Variants in TRPV2 observed in about 807,000 individuals in gnomAD.
TRPV2 encodes the protein OTRPC2.
TRPV2 carries 58 observed loss-of-function variants against 91.0 expected under a neutral mutation model. The observed-to-expected ratio is 0.64, with a 90% CI of 0.52 to 0.79. The LOEUF (loss-of-function observed/expected upper bound fraction) is 0.79, where lower values mean the gene tolerates loss of function less well. TRPV2 is among the 30% of genes least tolerant of loss of function. TRPV2 has a pLI of 0.00. For missense variants in TRPV2, 807 were observed against 969.6 expected, an observed-to-expected ratio of 0.83 and a Z score of 2.23; for synonymous variants, 417 against 414.8, an observed-to-expected ratio of 1.01 and a Z score of -0.06.
At chr17:16,427,684 G>A (rs1335936612) in intron 8 of TRPV2, 137 bp downstream of exon 8, 5 of 793,428 alleles carry the variant, frequency 6.3e-6, no homozygotes, top group African/African-American at 5.2e-5. Flanking sequence ...GAAGCTGAGG[G>A]CCAGAGGTTC....
chr17:16,426,964 A>G lies in TRPV2; in HGVS notation c.1251+87A>G. ...GGAAGATGGGGCAGTAATAGTGCTGAGGCATGGGCTGCTGGAGTGACATTC... is the reference window on the plus strand; with the variant it reads ...GGAAGATGGGGCAGTAATAGTGCTGGGGCATGGGCTGCTGGAGTGACATTC... On this transcript the variant is annotated intron_variant, in intron 7 of 14. Transcript: ENST00000338560. The surrounding 1 kb of genome is among the most constrained non-coding windows in gnomAD (Gnocchi z 6.0). 6.9e-7 allele frequency: 1 copy of G among 1,452,684 alleles called. No homozygotes were observed. The highest frequency in any genetic ancestry group is 9.3e-7 in the Non-Finnish European group (1 of 1,071,548). The allele number at this position is 1,452,684 out of a possible 1,614,324, so 90.0% of individuals were successfully genotyped here.
intron 2 of TRPV2, 90 bp downstream of exon 2, chr17:16,417,958 C>T (rs960746627): frequency 1.0e-5 from 13 of 1,269,148 alleles, no homozygotes; most frequent in Non-Finnish European, 1.4e-5. Flanking sequence ...TAGTCCAGCA[C>T]CAGTGCCCCT....
At chr17:16,416,861 C>T (rs1446959921) in intron 1 of TRPV2, among the ~76,000 whole-genome samples, 1 of 152,186 alleles carries the variant, frequency 6.6e-6, no homozygotes, top group Non-Finnish European at 1.5e-5. Flanking sequence ...TAGAGCTCCC[C>T]TTCTTTGGCG....
chr17:16,420,471 C>T (rs560120597), intron 3 of TRPV2, among the ~76,000 whole-genome samples: 1 of 152,314 alleles, frequency 6.6e-6, no homozygotes, highest in South Asian at 2.1e-4. Context: ...GGCCTCCTGG[C>T]TACCTCTGTC....
rs745992547 is a variant in TRPV2 at position 16,423,474 on chromosome 17, C to G, written c.631C>G (p.Leu211Val). Residue 211 changes from leucine (L) to valine (V), a missense_variant, in exon 5 of 15, where the codon CTA becomes GTA. Coordinates refer to ENST00000338560, the MANE Select transcript of TRPV2 (RefSeq NM_016113.5). ...GCTGCTCTCTTGGCCTGCAGGTGAG[C>G]TACCCCTCTCTTTGGCCGCTTGCAC... ...GQGTCFYFGE[L>V]PLSLAACTKQ... 1.2e-6 allele frequency: 2 copies of G among 1,602,270 alleles called. No homozygotes were observed. The highest frequency in any genetic ancestry group is 2.2e-5 in the South Asian group (2 of 89,448).
In TRPV2 at chr17:16,422,615, G is replaced by A. The variant is rs1413730357; in HGVS notation, c.351G>A (p.Lys117=). 1 of 1,613,830 alleles carries A rather than the reference G, an allele frequency of 6.2e-7. No individual in the cohort carries two copies. The highest frequency in any genetic ancestry group is 1.7e-5 in the Admixed American group (1 of 60,004). The change falls in exon 4 of 15, where the codon AAG becomes AAA. Residue 117 remains lysine (K), a synonymous_variant. Coordinates refer to ENST00000338560, the MANE Select transcript of TRPV2 (RefSeq NM_016113.5). ...TTCCCACAGAGGGCTCCACAGGTAAGACGTGCCTGATGAAGGCTGTGCTGA... is the reference window on the plus strand; with the variant it reads ...TTCCCACAGAGGGCTCCACAGGTAAAACGTGCCTGATGAAGGCTGTGCTGA... ...DSEYTEGSTG[K]TCLMKAVLNL...
In TRPV2 at chr17:16,426,118, A is replaced by G; in HGVS notation, c.944A>G (p.Gln315Arg). 1 of 1,614,182 alleles carries G rather than the reference A, an allele frequency of 6.2e-7. No homozygotes were observed. Among genetic ancestry groups the G allele is most frequent in the Non-Finnish European group, 8.5e-7 (1 of 1,180,022 alleles). ...GKIEIFRHIL[Q>R]REFSGLSHLS... ...CTGCAGATTTTCAGGCACATCCTGC[A>G]GCGGGAGTTTTCAGGACTGAGCCAC... The change falls in exon 6 of 15, where the codon CAG becomes CGG. Residue 315 changes from glutamine (Q) to arginine (R), a missense_variant. Coordinates refer to ENST00000338560, the MANE Select transcript of TRPV2 (RefSeq NM_016113.5). The surrounding 1 kb of genome is among the most constrained non-coding windows in gnomAD (Gnocchi z 6.0).
Position 16,423,726 on chromosome 17 carries a change from C to A in TRPV2, c.883C>A (p.Leu295Ile). The A allele has an allele frequency of 6.2e-7, 1 of 1,602,590 alleles. No homozygotes were observed. The highest frequency in any genetic ancestry group is 8.5e-7 in the Non-Finnish European group (1 of 1,171,650). The change falls in exon 5 of 15, where the codon CTC becomes ATC. Residue 295 changes from leucine to isoleucine, a missense_variant. Leu to Ile is a conservative substitution (Grantham distance 5). Transcript: ENST00000338560. Reference protein sequence around the residue: ...QLEDIRNLQDLTPLKLAAKEG... With the variant: ...QLEDIRNLQDITPLKLAAKEG... ...TGAGGACATCCGCAACCTGCAGGAT[C>A]TCACGCCTCTGAAGCTGGCCGCCAA...
In TRPV2 at chr17:16,436,837, A is replaced by G; in HGVS notation, c.2243A>G (p.Asp748Gly). ...GCTTCCCCTCCCAAGGAGGATGAGGATGGTGCCTCTGAGGAAAACTATGTG... is the reference window on the plus strand; with the variant it reads ...GCTTCCCCTCCCAAGGAGGATGAGGGTGGTGCCTCTGAGGAAAACTATGTG... ...VLASPPKEDEDGASEENYVPV... is the reference protein window; with the variant it reads ...VLASPPKEDEGGASEENYVPV... The change falls in exon 15 of 15, where the codon GAT becomes GGT. Residue 748 changes from aspartate (D) to glycine (G), a missense_variant. By Grantham distance (94) the Asp-to-Gly change is moderately conservative. Coordinates refer to ENST00000338560, the MANE Select transcript of TRPV2 (RefSeq NM_016113.5). 6.2e-7 allele frequency: 1 copy of G among 1,614,070 alleles called. No homozygotes were observed. The highest frequency in any genetic ancestry group is 8.5e-7 in the Non-Finnish European group (1 of 1,179,970).
At position 16,426,402 on chromosome 17, in the gene TRPV2, C is replaced by A; in HGVS notation, c.1095+133C>A. The A allele has an allele frequency of 1.7e-6, 2 of 1,151,110 alleles. No individual in the cohort carries two copies. Among genetic ancestry groups the A allele is most frequent in the Non-Finnish European group, 2.4e-6 (2 of 819,368 alleles). The allele number at this position is 1,151,110 out of a possible 1,614,324, so 71.3% of individuals were successfully genotyped here. Reference sequence around the variant, plus strand: ...GTGGGGGTGTGGCTGCATGTCCCAGCAGGCACGACCCTGACCATGGCCACC... The same window carrying A: ...GTGGGGGTGTGGCTGCATGTCCCAGAAGGCACGACCCTGACCATGGCCACC... On this transcript the variant is annotated intron_variant, in intron 6 of 14. Coordinates refer to ENST00000338560, the MANE Select transcript of TRPV2 (RefSeq NM_016113.5). The surrounding 1 kb of genome is among the most constrained non-coding windows in gnomAD (Gnocchi z 6.0).
At chr17:16,431,617 T>G (rs1252058518) in intron 10 of TRPV2, among the ~76,000 whole-genome samples, 167 bp from the exon 11 acceptor site, 1 of 152,034 alleles carries the variant, frequency 6.6e-6, no homozygotes, top group Non-Finnish European at 1.5e-5. Flanking sequence ...GATATATTTT[T>G]AAAAGACTCC....
rs146002979 is a variant in TRPV2, at chr17:16,426,787, C to T, written c.1161C>T (p.Leu387=). 257 of 1,613,962 alleles carry T rather than the reference C, an allele frequency of 1.6e-4. No individual in the cohort carries two copies. The highest frequency in any genetic ancestry group is 1.5e-3 in the Middle Eastern group (9 of 6,078). ...NKLLQAKWDL[L]IPKFFLNFLC... is the part of the protein sequence containing the mutation. ...TGCTGCAGGCGAAATGGGATCTGCT[C>T]ATCCCCAAGTTCTTCTTAAACTTCC... Residue 387 remains leucine, a synonymous_variant, in exon 7 of 15, where the codon CTC becomes CTT. Coordinates refer to ENST00000338560, the MANE Select transcript of TRPV2 (RefSeq NM_016113.5). This position sits in a 1 kb window ranked among gnomAD's most constrained non-coding sequence, Gnocchi z 6.0.
chr17:16,436,624 C>T (rs909640776), intron 14 of TRPV2, among the ~76,000 whole-genome samples, 165 bp from the exon 15 acceptor site: 8 of 152,108 alleles, frequency 5.3e-5, no homozygotes, highest in Admixed American at 6.6e-5. Flanking sequence ...TTGGGAAATG[C>T]TTGTGGAGTG....
At chr17:16,430,689 G>A (rs998371478) in intron 10 of TRPV2, among the ~76,000 whole-genome samples, 1 of 152,152 alleles carries the variant, frequency 6.6e-6, no homozygotes, top group African/African-American at 2.4e-5. Flanking sequence ...GTTTTGCCAC[G>A]TTGGCCAGGA....
chr17:16,429,430 C>T (rs1424351863), intron 10 of TRPV2, among the ~76,000 whole-genome samples: 2 of 152,118 alleles, frequency 1.3e-5, no homozygotes, highest in Non-Finnish European at 2.9e-5. Flanking sequence ...AGCTGATGTT[C>T]TGGTGGGAGG....
intron 10 of TRPV2, among the ~76,000 whole-genome samples, chr17:16,431,291 A>ATACAT (rs1333090555): frequency 1.5e-5 from 1 of 67,392 alleles, no homozygotes; most frequent in African/African-American, 6.4e-5. Flanking sequence ...ATATATACAT[A>ATACAT]TTTTTTTTTT....
intron 8 of TRPV2, among the ~76,000 whole-genome samples, chr17:16,427,841 T>A (rs1461765146): frequency 7.2e-5 from 11 of 152,120 alleles, no homozygotes; most frequent in African/African-American, 2.7e-4. Flanking sequence ...GCCAGGCCCC[T>A]CGGCTGGGAA....
At position 16,427,658 on chromosome 17, in the gene TRPV2, A is replaced by G. The variant is rs181556929; in HGVS notation, c.1350+111A>G. 1.8e-3 allele frequency: 1,846 copies of G among 1,013,928 alleles called. 10 individuals carry two copies. The highest frequency in any genetic ancestry group is 1.9e-3 in the South Asian group (106 of 55,408). 62.8% of individuals were successfully genotyped at this position (1,013,928 alleles called of 1,614,324 possible). ...ACTGACAATACCCAGTCCCACCCAG[A>G]GCAACCAGCCTCACTGAAGCTGAGG... On this transcript the variant is annotated intron_variant, in intron 8 of 14. Coordinates refer to ENST00000338560, the MANE Select transcript of TRPV2 (RefSeq NM_016113.5).
At chr17:16,416,243 GA>G in intron 1 of TRPV2, 1 of 152,850 alleles carries the variant, frequency 6.5e-6, no homozygotes, top group Non-Finnish European at 1.5e-5. Flanking sequence ...GTTTCCATGG[GA>G]AAATACCCCA....
Sources: allele counts gnomAD v4.1 joint callset (sites outside exome capture counted in the v4.1 genomes callset), GRCh38; gene constraint gnomAD v4.1.1; non-coding constraint Gnocchi (gnomAD v3.1); transcripts MANE v1.5; gene names NCBI Gene and HGNC (gene_info 2026-07-23, HGNC 2026-07-21).